KIF26B: variants seen among roughly 807,000 people sequenced by gnomAD.
The protein encoded by KIF26B is kinesin-like protein KIF26B.
Under a neutral mutation model 151.2 loss-of-function variants are expected in KIF26B, and 63 were observed. The observed-to-expected ratio is 0.42, with a 90% CI of 0.34 to 0.51. The LOEUF (loss-of-function observed/expected upper bound fraction) is 0.51, where lower values mean the gene tolerates loss of function less well. Ranked by LOEUF, KIF26B falls within the 20% of genes least tolerant of loss-of-function variation. The pLI, the probability that KIF26B is intolerant of heterozygous loss-of-function variation, is 0.07. For synonymous variants in KIF26B, 1,357 were observed against 1,262.1 expected (o/e 1.08, Z -1.59); for missense variants, 2,813 against 2,913.6 (o/e 0.97, Z 0.79).
chr1:245,556,484 T>C (rs1302843603), intron 5 of KIF26B, among the ~76,000 whole-genome samples: 1 of 152,038 alleles, frequency 6.6e-6, no homozygotes, highest in Non-Finnish European at 1.5e-5. Context: ...CACTGCAGGC[T>C]CAACCTCCAA....
intron 9 of KIF26B, among the ~76,000 whole-genome samples, chr1:245,640,134 T>TCTCTCTCTCTCTCTCTCC (rs1309818641): frequency 1.5e-5 from 1 of 67,828 alleles, no homozygotes; most frequent in African/African-American, 6.2e-5. Context: ...TCTCTCTCTC[T>TCTCTCTCTCTCTCTCTCC]CTCTCTCTCT....
intron 12 of KIF26B, among the ~76,000 whole-genome samples, chr1:245,696,715 G>A (rs1339638553): frequency 2.0e-5 from 3 of 152,142 alleles, no homozygotes; most frequent in African/African-American, 7.2e-5. Context: ...CTTTATTCCC[G>A]TGGTCGATGT....
Position 245,687,473 on chromosome 1 carries a change from T to G in KIF26B, c.4490T>G (p.Val1497Gly). 1 of 1,584,510 alleles carries G rather than the reference T, an allele frequency of 6.3e-7. No individual in the cohort carries two copies. The highest frequency in any genetic ancestry group is 1.2e-5 in the South Asian group (1 of 86,394). Residue 1497 changes from valine (V) to glycine (G), a missense_variant, in exon 12 of 15, where the codon GTG becomes GGG. Physicochemically the swap from Val to Gly is moderately radical, Grantham distance 109 (BLOSUM62 -3). Around this residue, in one of 3 missense-constraint regions of KIF26B, gnomAD observed 2,060 missense variants for 2,088.6 expected, o/e 0.99. Transcript: ENST00000407071. This position sits in a 1 kb window ranked among gnomAD's most constrained non-coding sequence, Gnocchi z 4.9. ...GDRLSSSSGE[V>G]SASPVTDNFR... is the part of the protein sequence containing the mutation. ...AGGCTCAGCAGCAGCAGCGGAGAGGTGTCGGCCTCCCCGGTCACTGACAAC... is the reference window on the plus strand; with the variant it reads ...AGGCTCAGCAGCAGCAGCGGAGAGGGGTCGGCCTCCCCGGTCACTGACAAC...
At chr1:245,355,122 A>T (rs7417445) in intron 2 of KIF26B, among the ~76,000 whole-genome samples, 112 of 152,160 alleles carry the variant, frequency 7.4e-4, no homozygotes, top group African/African-American at 2.3e-3. Context: ...ACAGGGTCTC[A>T]CCATGTTGGC....
intron 2 of KIF26B, among the ~76,000 whole-genome samples, chr1:245,177,452 T>C (rs1668828782): frequency 6.6e-6 from 1 of 152,162 alleles, no homozygotes; most frequent in African/African-American, 2.4e-5. Flanking sequence ...ACCTGGACTA[T>C]GTTGGGGGCA....
chr1:245,441,950 C>A (rs1572063081), intron 4 of KIF26B, among the ~76,000 whole-genome samples: 1 of 152,220 alleles, frequency 6.6e-6, no homozygotes, highest in Non-Finnish European at 1.5e-5. Flanking sequence ...AGGAGCCCTA[C>A]TGCAGAGGCA....
chr1:245,688,662 C>T lies in KIF26B; in HGVS notation c.5679C>T (p.Gly1893=), dbSNP rs771007934. ...MGKTALFYHS[G]GSSGYESVMR... ...AGACGGCCCTGTTCTACCACAGCGG[C>T]GGCAGCAGCGGCTACGAGAGCGTGA... The change falls in exon 12 of 15, where the codon GGC becomes GGT. Residue 1893 remains glycine, a synonymous_variant. Coordinates refer to ENST00000407071, the MANE Select transcript of KIF26B (RefSeq NM_018012.4). 6 of 1,603,406 alleles carry T rather than the reference C, an allele frequency of 3.7e-6. No individual in the cohort carries two copies. In the African/African-American group the frequency reaches 4.0e-5, roughly 11 times the overall value.
chr1:245,451,136 T>G (rs965771104), intron 4 of KIF26B, among the ~76,000 whole-genome samples: 1 of 152,186 alleles, frequency 6.6e-6, no homozygotes, highest in African/African-American at 2.4e-5. Context: ...GTTATTTTCT[T>G]CCTTCTGCTT....
chr1:245,592,327 T>G (rs1458535503), intron 5 of KIF26B, among the ~76,000 whole-genome samples: 1 of 152,206 alleles, frequency 6.6e-6, no homozygotes, highest in Non-Finnish European at 1.5e-5. Flanking sequence ...CCGCTCTGGC[T>G]ATGACCCAAG....
At chr1:245,404,507 T>C (rs1674087313) in intron 3 of KIF26B, among the ~76,000 whole-genome samples, 1 of 152,148 alleles carries the variant, frequency 6.6e-6, no homozygotes, top group African/African-American at 2.4e-5. Context: ...AATAAGCTAG[T>C]TGGTATTGAC....
chr1:245,679,450 T>G (rs1357534920), intron 10 of KIF26B, among the ~76,000 whole-genome samples: 2 of 88,694 alleles, frequency 2.3e-5, no homozygotes, highest in African/African-American at 6.5e-5. Flanking sequence ...GTGTTTTTTT[T>G]GTGTGTGTTT....
At chr1:245,435,635 A>G (rs1053009161) in intron 4 of KIF26B, among the ~76,000 whole-genome samples, 1 of 152,178 alleles carries the variant, frequency 6.6e-6, no homozygotes, top group African/African-American at 2.4e-5. Context: ...TGCTGTGGAA[A>G]GTTTGTCAGT....
intron 2 of KIF26B, among the ~76,000 whole-genome samples, chr1:245,171,469 G>A (rs935955498): frequency 2.6e-5 from 4 of 152,118 alleles, no homozygotes; most frequent in South Asian, 4.2e-4. Context: ...GCTTGAACCC[G>A]GGAGGTGGAG....
chr1:245,482,850 C>T (rs1267420665), intron 4 of KIF26B, among the ~76,000 whole-genome samples: 5 of 151,752 alleles, frequency 3.3e-5, no homozygotes, highest in African/African-American at 9.7e-5. Context: ...AGTGGAGACA[C>T]CCAGGTAGTC....
At chr1:245,261,844 A>G (rs1359126049) in intron 2 of KIF26B, among the ~76,000 whole-genome samples, 1 of 151,738 alleles carries the variant, frequency 6.6e-6, no homozygotes, top group African/African-American at 2.4e-5. Flanking sequence ...TGGCCTCTCA[A>G]AGTACTGGGG....
In KIF26B at chr1:245,704,163, A is replaced by G. The variant is rs772537488; in HGVS notation, c.*1557A>G. 1.4e-4 allele frequency: 22 copies of G among 152,392 alleles called. No homozygotes were observed. Among genetic ancestry groups the G allele is most frequent in the Non-Finnish European group, 2.5e-4 (17 of 68,052 alleles). The allele number at this position is 152,392 out of a possible 1,614,324, so 9.4% of individuals were successfully genotyped here. On this transcript the variant is annotated 3_prime_UTR_variant, in exon 15 of 15. Coordinates refer to ENST00000407071, the MANE Select transcript of KIF26B (RefSeq NM_018012.4). ...ATCTAAGAGTCCCTGCAGCCTTCGC[A>G]TCGAGGATGGTACTTAGGCGTGTGC...
At chr1:245,327,837 G>A (rs59994577) in intron 2 of KIF26B, among the ~76,000 whole-genome samples, 8,838 of 152,176 alleles carry the variant, frequency 0.058, 873 homozygotes, top group African/African-American at 0.2. Flanking sequence ...AAAAGAGAGC[G>A]TTTATGTTTT....
At chr1:245,348,719 G>A (rs1032654783) in intron 2 of KIF26B, among the ~76,000 whole-genome samples, 8 of 152,066 alleles carry the variant, frequency 5.3e-5, no homozygotes, top group African/African-American at 9.7e-5. Context: ...AGTTTACAGC[G>A]GTCTCTCTGG....
intron 2 of KIF26B, among the ~76,000 whole-genome samples, chr1:245,231,373 G>A (rs112984452): frequency 3.3e-5 from 5 of 152,054 alleles, no homozygotes; most frequent in East Asian, 1.9e-4. Flanking sequence ...AAAATTAGCC[G>A]GGCGTGGTGG....
Sources: allele counts gnomAD v4.1 joint callset (sites outside exome capture counted in the v4.1 genomes callset), GRCh38; gene constraint gnomAD v4.1.1; regional missense constraint gnomAD v4.1.1; non-coding constraint Gnocchi (gnomAD v3.1); transcripts MANE v1.5; gene names NCBI Gene and HGNC (gene_info 2026-07-23, HGNC 2026-07-21).